Variants in EGFR observed in about 807,000 individuals in gnomAD.
EGFR encodes avian erythroblastic leukemia viral (v-erb-b) oncogene homolog.
EGFR carries 58 observed loss-of-function variants against 143.0 expected under a neutral mutation model. The ratio of observed to expected loss-of-function variants is 0.41; its 90% CI spans 0.33 to 0.50. The LOEUF is 0.50. Ranked by LOEUF, EGFR falls within the 20% of genes least tolerant of loss-of-function variation. The pLI, the probability that EGFR is intolerant of heterozygous loss-of-function variation, is 0.39. For synonymous variants in EGFR, 613 were observed against 594.4 expected (o/e 1.03, Z -0.45); for missense variants, 1,307 against 1,579.0 (o/e 0.83, Z 2.92).
chr7:55,032,691 C>T (rs1269801903), intron 1 of EGFR, among the ~76,000 whole-genome samples: 4 of 152,176 alleles, frequency 2.6e-5, no homozygotes, highest in Admixed American at 6.5e-5. Context: ...TATTTCTGCT[C>T]ATTTTTCAAT....
intron 15 of EGFR, chr7:55,170,755 A>G (rs531636345): frequency 2.7e-6 from 4 of 1,458,714 alleles, no homozygotes; most frequent in Non-Finnish European, 2.7e-6. Flanking sequence ...AGAATTTGTC[A>G]GAAACCTGCA....
At chr7:55,116,655 C>A (rs968160278) in intron 1 of EGFR, among the ~76,000 whole-genome samples, 1 of 152,222 alleles carries the variant, frequency 6.6e-6, no homozygotes, top group South Asian at 2.1e-4. Context: ...ACCCTAGAAG[C>A]ACCCCGTGCT....
At chr7:55,122,508 G>T (rs12673622) in intron 1 of EGFR, among the ~76,000 whole-genome samples, 1 of 152,106 alleles carries the variant, frequency 6.6e-6, no homozygotes, top group Non-Finnish European at 1.5e-5. Flanking sequence ...CCATGGCTGC[G>T]CATTTCTGCC....
chr7:55,169,590 A>G (rs845551), intron 15 of EGFR, among the ~76,000 whole-genome samples: 108,118 of 151,890 alleles, frequency 0.71, 39,176 homozygotes, highest in Admixed American at 0.79. Context: ...ATCAAGTGGG[A>G]GCCAGAGAAT....
In EGFR at chr7:55,205,765, A is replaced by C. The variant is rs1788086429; in HGVS notation, c.*148A>C. Reference sequence around the variant, plus strand: ...GCAACGTTTACACCGACTAGCCAGGAAGTACTTCCACCTCGGGCACATTTT... The same window carrying C: ...GCAACGTTTACACCGACTAGCCAGGCAGTACTTCCACCTCGGGCACATTTT... On this transcript the variant is annotated 3_prime_UTR_variant, in exon 28 of 28. Coordinates refer to ENST00000275493, the MANE Select transcript of EGFR (RefSeq NM_005228.5). 8 of 1,251,232 alleles carry C rather than the reference A, an allele frequency of 6.4e-6. No individual in the cohort carries two copies. In the African/African-American group the frequency reaches 1.0e-4, roughly 16 times the overall value. 77.5% of individuals were successfully genotyped at this position (1,251,232 alleles called of 1,614,324 possible). A position where few individuals can be genotyped will look rare whatever the true frequency, so the allele number is the denominator to read the frequency against.
At chr7:55,192,045 T>C (rs953027237) in intron 21 of EGFR, among the ~76,000 whole-genome samples, 171 bp downstream of exon 21, 1 of 152,158 alleles carries the variant, frequency 6.6e-6, no homozygotes, top group Non-Finnish European at 1.5e-5. Context: ...CTCCTGGTAG[T>C]GTGAGCCAGA....
chr7:55,133,906 T>C (rs868026298), intron 1 of EGFR, among the ~76,000 whole-genome samples: 2 of 152,188 alleles, frequency 1.3e-5, no homozygotes, highest in African/African-American at 4.8e-5. Context: ...TTCAAAAGTA[T>C]GCCTGTGTGT....
chr7:55,166,603 T>TTGGTGG (rs1785994397), intron 15 of EGFR, among the ~76,000 whole-genome samples: 1 of 100,782 alleles, frequency 9.9e-6, no homozygotes, highest in Non-Finnish European at 2.2e-5. Context: ...AATGGTGGTG[T>TTGGTGG]TGATGGTGGT....
At chr7:55,195,489 C>G (rs956232421) in intron 22 of EGFR, among the ~76,000 whole-genome samples, 1 of 152,060 alleles carries the variant, frequency 6.6e-6, no homozygotes, top group Non-Finnish European at 1.5e-5. Flanking sequence ...ATTGTGGTTT[C>G]GTATTTTTTA....
At position 55,143,335 on chromosome 7, in the gene EGFR, A is replaced by G; in HGVS notation, c.271A>G (p.Ile91Val). 6.2e-7 allele frequency: 1 copy of G among 1,614,258 alleles called. No individual in the cohort carries two copies. The highest frequency in any genetic ancestry group is 8.5e-7 in the Non-Finnish European group (1 of 1,180,052). The change falls in exon 3 of 28, where the codon ATT becomes GTT. Residue 91 changes from isoleucine to valine, a missense_variant. Around this residue, in one of 7 missense-constraint regions of EGFR, gnomAD observed 311 missense variants for 412.3 expected, o/e 0.75. Coordinates refer to ENST00000275493, the MANE Select transcript of EGFR (RefSeq NM_005228.5). ...TIQEVAGYVL[I>V]ALNTVERIPL... The stretch of plus-strand genomic sequence containing the variant: ...CCAGGAGGTGGCTGGTTATGTCCTC[A>G]TTGCCCTCAACACAGTGGAGCGAAT...
At chr7:55,088,562 T>G (rs1790906676) in intron 1 of EGFR, among the ~76,000 whole-genome samples, 3 of 152,222 alleles carry the variant, frequency 2.0e-5, no homozygotes, top group Admixed American at 1.3e-4. Context: ...TGGCACATGC[T>G]TGTGTTAAGG....
At chr7:55,143,636 A>G in intron 3 of EGFR, 148 bp downstream of exon 3, 1 of 875,060 alleles carries the variant, frequency 1.1e-6, no homozygotes, top group Non-Finnish European at 1.8e-6. Context: ...TGTGTGTAAG[A>G]TACTGCAGGG....
chr7:55,140,279 G>T (rs571621369), intron 1 of EGFR, among the ~76,000 whole-genome samples: 1 of 152,190 alleles, frequency 6.6e-6, no homozygotes, highest in Admixed American at 6.5e-5. Flanking sequence ...GAAAGCAGCT[G>T]CCTGTTTTCA....
rs755330584 is a variant in EGFR, at chr7:55,205,319, A to G, written c.3335A>G (p.Asn1112Ser). Residue 1112 changes from asparagine (N) to serine (S), a missense_variant, in exon 28 of 28, where the codon AAT becomes AGT. Physicochemically the swap from Asn to Ser is conservative, Grantham distance 46. Coordinates refer to ENST00000275493, the MANE Select transcript of EGFR (RefSeq NM_005228.5). ...TCTGTGCAGAATCCTGTCTATCACA[A>G]TCAGCCTCTGAACCCCGCGCCCAGC... is the stretch of plus-strand genomic sequence containing the variant. ...AGSVQNPVYH[N>S]QPLNPAPSRD... 25 of 1,612,260 alleles carry G rather than the reference A, an allele frequency of 1.6e-5. No individual in the cohort carries two copies. The highest frequency in any genetic ancestry group is 1.3e-4 in the Admixed American group (8 of 59,918).
Position 55,187,378 on chromosome 7 carries a change from C to T in EGFR, c.2470-4341C>T, listed in dbSNP as rs147941910. Among the ~76,000 whole-genome samples, 310 of 152,300 alleles carry T rather than the reference C, an allele frequency of 2.0e-3. 2 individuals carry two copies. Among genetic ancestry groups the T allele is most frequent in the African/African-American group, 7.2e-3 (298 of 41,574 alleles). ...GGGAAACAAAGGCATGCGGTGTTTA[C>T]GTCACTTGCCAAGATCTCAGGATTT... On this transcript the variant is annotated intron_variant, in intron 20 of 27. Coordinates refer to ENST00000275493, the MANE Select transcript of EGFR (RefSeq NM_005228.5).
At chr7:55,184,090 G>C (rs150590604) in intron 20 of EGFR, among the ~76,000 whole-genome samples, 2 of 152,246 alleles carry the variant, frequency 1.3e-5, no homozygotes, top group African/African-American at 2.4e-5. Context: ...CCGTGTGAAC[G>C]GGGGCACGTT....
At chr7:55,185,520 G>A (rs544779415) in intron 20 of EGFR, among the ~76,000 whole-genome samples, 5 of 152,310 alleles carry the variant, frequency 3.3e-5, no homozygotes, top group Non-Finnish European at 7.4e-5. Context: ...CCCTCTCCCC[G>A]TGGAGCCTCC....
intron 1 of EGFR, among the ~76,000 whole-genome samples, chr7:55,019,783 G>A (rs915092562): frequency 5.9e-5 from 9 of 152,276 alleles, no homozygotes; most frequent in African/African-American, 9.6e-5. Context: ...AGGGCGCGAC[G>A]GGGTCCTGGC....
chr7:55,204,176 G>T (rs1787997170), intron 27 of EGFR, among the ~76,000 whole-genome samples: 1 of 145,172 alleles, frequency 6.9e-6, no homozygotes, highest in Non-Finnish European at 1.5e-5. Flanking sequence ...CATACACACA[G>T]ACACACACGA....
Sources: gnomAD v4.1 joint callset for allele counts (sites outside exome capture counted in the v4.1 genomes callset) on GRCh38, gnomAD v4.1.1 for gene constraint, gnomAD v4.1.1 regional missense constraint, MANE v1.5 for transcripts, NCBI Gene and HGNC (gene_info 2026-07-23, HGNC 2026-07-21) for gene names.